Variants in PCDH15 observed in about 807,000 individuals in gnomAD.
PCDH15 encodes protocadherin related 15.
PCDH15 carries 129 observed loss-of-function variants against 178.5 expected under a neutral mutation model. The ratio of observed to expected loss-of-function variants is 0.72; its 90% CI spans 0.63 to 0.84. The LOEUF (loss-of-function observed/expected upper bound fraction) is 0.84. Ranked by LOEUF, PCDH15 falls within the 40% of genes least tolerant of loss-of-function variation. The pLI is 0.00. For missense variants in PCDH15, 2,230 were observed against 2,099.9 expected (o/e 1.06, Z -1.21); for synonymous variants, 800 against 732.0 (o/e 1.09, Z -1.50).
Position 54,921,914 on chromosome 10 carries a change from T to C in PCDH15, c.-79-24414A>G, listed in dbSNP as rs571550499. 7.5e-4 allele frequency among the ~76,000 whole-genome samples: 114 copies of C among 152,208 alleles called. No homozygotes were observed. In the Middle Eastern group the frequency reaches 0.02, roughly 27 times the overall value. ...GGAGGCAAGCACCTCTCCTGCTCCA[T>C]GGTGGAGCAGAAGAGAAAGGGAGTG... On this transcript the variant is annotated intron_variant, in intron 2 of 5. Transcript: ENST00000458638.
intron 2 of PCDH15, among the ~76,000 whole-genome samples, chr10:55,410,844 G>T (rs11004836): frequency 6.6e-6 from 1 of 151,902 alleles, no homozygotes; most frequent in Non-Finnish European, 1.5e-5. Flanking sequence ...TGTTCAAGCC[G>T]GTGTTTGCGT....
intron 2 of PCDH15, among the ~76,000 whole-genome samples, chr10:55,529,741 G>GCATATA (rs1439080335): frequency 1.6e-5 from 1 of 62,772 alleles, no homozygotes; most frequent in Non-Finnish European, 3.1e-5. Context: ...TTGTCTGTGA[G>GCATATA]TATATATATA....
At chr10:55,263,876 A>G (rs1446323920) in intron 1 of PCDH15, among the ~76,000 whole-genome samples, 3 of 152,054 alleles carry the variant, frequency 2.0e-5, no homozygotes, top group Non-Finnish European at 4.4e-5. Flanking sequence ...CTGGGACTAC[A>G]GGCACCTGCC....
chr10:54,561,415 T>G (rs188022728), intron 2 of PCDH15, among the ~76,000 whole-genome samples: 4 of 152,288 alleles, frequency 2.6e-5, no homozygotes. Flanking sequence ...TAAAACATTT[T>G]CAAACATTTG....
At chr10:54,349,724 T>C (rs1588968596) in intron 5 of PCDH15, among the ~76,000 whole-genome samples, 1 of 152,224 alleles carries the variant, frequency 6.6e-6, no homozygotes, top group Non-Finnish European at 1.5e-5. Context: ...TTGTATTTCT[T>C]TGATTGACTT....
chr10:55,040,563 G>C (rs907259701), intron 2 of PCDH15, among the ~76,000 whole-genome samples: 4 of 151,972 alleles, frequency 2.6e-5, no homozygotes. Flanking sequence ...AAAGGAATTA[G>C]CATTCTATAT....
chr10:55,287,718 C>A (rs192950874), intron 1 of PCDH15, among the ~76,000 whole-genome samples: 3 of 151,844 alleles, frequency 2.0e-5, no homozygotes, highest in East Asian at 3.9e-4. Context: ...AATTTTCTTT[C>A]TCTTTGATAG....
At chr10:55,034,389 A>AAT (rs1840686560) in intron 2 of PCDH15, among the ~76,000 whole-genome samples, 2 of 152,228 alleles carry the variant, frequency 1.3e-5, no homozygotes, top group African/African-American at 4.8e-5. Context: ...ACAATGTTAA[A>AAT]ATGATCAATT....
chr10:54,226,771 T>C (rs1380999435), intron 9 of PCDH15, among the ~76,000 whole-genome samples: 1 of 151,970 alleles, frequency 6.6e-6, no homozygotes, highest in Non-Finnish European at 1.5e-5. Flanking sequence ...CTAGATAGAG[T>C]GGGGATACGG....
chr10:54,436,158 A>G (rs142136205), intron 3 of PCDH15, among the ~76,000 whole-genome samples: 2,493 of 148,098 alleles, frequency 0.017, 74 homozygotes, highest in African/African-American at 0.062. Context: ...AGGAAGGAAG[A>G]AAGGAAGGAA....
chr10:54,804,113 C>T (rs540650750), upstream of PCDH15, among the ~76,000 whole-genome samples: 1 of 152,020 alleles, frequency 6.6e-6, no homozygotes, highest in Non-Finnish European at 1.5e-5. Context: ...TGTCTGGGCT[C>T]ACTGCAAGCT....
intron 3 of PCDH15, among the ~76,000 whole-genome samples, chr10:54,816,198 C>T (rs1253295405): frequency 6.6e-6 from 1 of 151,954 alleles, no homozygotes; most frequent in Non-Finnish European, 1.5e-5. Context: ...AAGTGCCTGA[C>T]ATATTGGAGA....
chr10:53,862,907 T>C (rs942576700), intron 27 of PCDH15, among the ~76,000 whole-genome samples: 2 of 152,134 alleles, frequency 1.3e-5, no homozygotes, highest in African/African-American at 2.4e-5. Context: ...TAGATAGATA[T>C]ACAGTATTTA....
chr10:54,603,491 CTTTTT>C (rs375185986), intron 2 of PCDH15, among the ~76,000 whole-genome samples: 1 of 142,862 alleles, frequency 7.0e-6, no homozygotes, highest in South Asian at 2.2e-4. Context: ...TGAGATGTTT[CTTTTT>C]TTTTTTCTTC....
At chr10:55,482,392 T>C (rs1840200616) in intron 2 of PCDH15, among the ~76,000 whole-genome samples, 1 of 151,830 alleles carries the variant, frequency 6.6e-6, no homozygotes, top group Non-Finnish European at 1.5e-5. Context: ...GCAGACTTGT[T>C]TTCATGATTG....
intron 2 of PCDH15, among the ~76,000 whole-genome samples, chr10:54,990,366 T>A (rs1839471336): frequency 1.3e-5 from 2 of 152,194 alleles, no homozygotes. Flanking sequence ...GATTACTGGA[T>A]TTAGAAAATG....
At chr10:53,981,870 G>C (rs2090673214) in intron 21 of PCDH15, among the ~76,000 whole-genome samples, 2 of 150,260 alleles carry the variant, frequency 1.3e-5, no homozygotes, top group African/African-American at 4.9e-5. Context: ...ACTACCATCA[G>C]AGTGAACAGG....
At chr10:54,118,605 A>T (rs1186736522) in intron 15 of PCDH15, among the ~76,000 whole-genome samples, 1 of 152,120 alleles carries the variant, frequency 6.6e-6, no homozygotes, top group Non-Finnish European at 1.5e-5. Flanking sequence ...ACTGGCAGTG[A>T]GTCGAGATTG....
chr10:55,044,152 G>A (rs907692786), intron 2 of PCDH15, among the ~76,000 whole-genome samples: 2 of 152,070 alleles, frequency 1.3e-5, no homozygotes, highest in Non-Finnish European at 2.9e-5. Flanking sequence ...ATAATGTCCC[G>A]ATGCAGGTGA....
Sources: allele counts gnomAD v4.1 joint callset (sites outside exome capture counted in the v4.1 genomes callset), GRCh38; gene constraint gnomAD v4.1.1; transcripts MANE v1.5; gene names NCBI Gene and HGNC (gene_info 2026-07-23, HGNC 2026-07-21).